EXOSC7: variants seen among roughly 807,000 people sequenced by gnomAD.
EXOSC7 encodes the protein exosome component 7, also known as exosome complex component RRP42.
Under a neutral mutation model 34.3 loss-of-function variants are expected in EXOSC7, and 25 were observed. The ratio of observed to expected loss-of-function variants is 0.73; its 90% CI spans 0.53 to 1.02. The LOEUF is 1.02. Among genes scored for constraint, EXOSC7 ranks in the 50% least tolerant of loss-of-function variants. The pLI, the probability that EXOSC7 is intolerant of heterozygous loss-of-function variation, is 0.00. For synonymous variants in EXOSC7, 130 were observed against 143.0 expected, an observed-to-expected ratio of 0.91 and a Z score of 0.65; for missense variants, 370 against 368.5, an observed-to-expected ratio of 1.00 and a Z score of -0.03.
intron 6 of EXOSC7, among the ~76,000 whole-genome samples, chr3:45,006,663 G>T (rs887211820): frequency 1.3e-5 from 2 of 150,354 alleles, no homozygotes; most frequent in Admixed American, 6.6e-5. Flanking sequence ...TGATCTGCCC[G>T]CCTCGGCCTC....
intron 6 of EXOSC7, 68 bp from the exon 7 acceptor site, chr3:45,007,352 G>A (rs1707077655): frequency 3.9e-6 from 6 of 1,550,326 alleles, no homozygotes; most frequent in South Asian, 2.3e-5. Context: ...TTCCCACCAC[G>A]AGGCCATCAG....
At chr3:45,006,068 CTTTTTTTTTTTTTTTTTT>C (rs34869939) in intron 6 of EXOSC7, among the ~76,000 whole-genome samples, 1,281 of 47,418 alleles carry the variant, frequency 0.027, 51 homozygotes, top group Middle Eastern at 0.066. Flanking sequence ...TGGGTCTTGG[CTTTTTTTTTTTTTTTTTT>C]TTTTTTTTTT....
chr3:44,998,076 C>T (rs570759791), intron 4 of EXOSC7, among the ~76,000 whole-genome samples: 1 of 146,458 alleles, frequency 6.8e-6, no homozygotes, highest in African/African-American at 2.5e-5. Context: ...TGCTCTGTCA[C>T]CCAGGCTGGA....
At chr3:45,008,274 C>A (rs1450481635) in intron 7 of EXOSC7, among the ~76,000 whole-genome samples, 1 of 152,210 alleles carries the variant, frequency 6.6e-6, no homozygotes, top group African/African-American at 2.4e-5. Flanking sequence ...ACTGAACTTC[C>A]AGGAACAGAG....
intron 3 of EXOSC7, among the ~76,000 whole-genome samples, chr3:44,991,235 C>T (rs535783576): frequency 6.6e-6 from 1 of 152,262 alleles, no homozygotes; most frequent in South Asian, 2.1e-4. Flanking sequence ...ATTCCTGTCC[C>T]CTACTCTGGT....
intron 3 of EXOSC7, among the ~76,000 whole-genome samples, chr3:44,993,904 TGATA>T (rs1706639539): frequency 6.6e-6 from 1 of 152,220 alleles, no homozygotes; most frequent in South Asian, 2.1e-4. Flanking sequence ...TGTTGTCTAG[TGATA>T]AGTTCCAAGA....
At chr3:44,995,308 G>A (rs10865936) in intron 3 of EXOSC7, among the ~76,000 whole-genome samples, 26,156 of 152,138 alleles carry the variant, frequency 0.17, 2,686 homozygotes, top group Middle Eastern at 0.24. Context: ...TTTATAGGTA[G>A]ATTAATTTAG....
intron 1 of EXOSC7, among the ~76,000 whole-genome samples, chr3:44,986,731 G>A (rs1706429434): frequency 1.3e-5 from 2 of 152,220 alleles, no homozygotes; most frequent in South Asian, 4.1e-4. Context: ...GATTTGTGAT[G>A]TTTATTTTCT....
chr3:44,997,328 C>A, intron 4 of EXOSC7, 76 bp downstream of exon 4: 1 of 1,373,036 alleles, frequency 7.3e-7, no homozygotes, highest in East Asian at 2.3e-5. Context: ...CCTTCCAGTG[C>A]TTTTTTCCTC....
Position 44,989,373 on chromosome 3 carries a change from G to C in EXOSC7, c.159+132G>C, listed in dbSNP as rs183480884. 824 of 853,378 alleles carry C rather than the reference G, an allele frequency of 9.7e-4. 11 individuals are homozygous for C. The Admixed American group carries it at 0.017, about 18-fold the overall frequency. The allele number at this position is 853,378 out of a possible 1,614,324, so 52.9% of individuals were successfully genotyped here. A position where few individuals can be genotyped will look rare whatever the true frequency, so the allele number is the denominator to read the frequency against. ...AATCGAAGATCCGAGCCAAACTCAG[G>C]GAGGGGGGGTCTATCCAGATCTGAA... On this transcript the variant is annotated intron_variant, in intron 2 of 7. Transcript: ENST00000265564.
rs750947033 is a variant in EXOSC7 at position 45,007,586 on chromosome 3, A to C, written c.771+11A>C. On this transcript the variant is annotated intron_variant, in intron 7 of 7. Transcript: ENST00000265564. ...TTCGAGATGATGGAGGTGAGGCCTTAGTTCTGAGGAAGGTGCAGGGACCTG... is the reference window on the plus strand; with the variant it reads ...TTCGAGATGATGGAGGTGAGGCCTTCGTTCTGAGGAAGGTGCAGGGACCTG... The C allele has an allele frequency of 2.6e-5, 41 of 1,594,372 alleles. 1 individual carries two copies. The South Asian group carries it at 4.6e-4, about 18-fold the overall frequency.
intron 3 of EXOSC7, among the ~76,000 whole-genome samples, chr3:44,993,930 A>C (rs1024998189): frequency 5.3e-5 from 8 of 152,206 alleles, no homozygotes; most frequent in African/African-American, 1.9e-4. Flanking sequence ...CAAAGCATAC[A>C]TTCATTTCCC....
At chr3:45,007,205 A>T (rs1262418787) in intron 6 of EXOSC7, among the ~76,000 whole-genome samples, 1 of 152,072 alleles carries the variant, frequency 6.6e-6, no homozygotes, top group Admixed American at 6.5e-5. Context: ...CTGTTTTTCC[A>T]TATCGTGTTT....
At chr3:44,976,744 A>T (rs552324362) in intron 1 of EXOSC7, among the ~76,000 whole-genome samples, 1 of 152,212 alleles carries the variant, frequency 6.6e-6, no homozygotes, top group Non-Finnish European at 1.5e-5. Flanking sequence ...AGGAGGGCGC[A>T]TGCGAGGTGA....
chr3:44,983,277 AG>A (rs1298520848), intron 1 of EXOSC7, among the ~76,000 whole-genome samples: 3 of 152,160 alleles, frequency 2.0e-5, no homozygotes, highest in Non-Finnish European at 4.4e-5. Context: ...GTTGTTTTTG[AG>A]GATGCAGTGA....
rs770584588 is a variant in EXOSC7 at position 45,005,359 on chromosome 3, A to T, written c.560A>T (p.Tyr187Phe). The T allele has an allele frequency of 6.2e-7, 1 of 1,613,934 alleles. No homozygotes were observed. The highest frequency in any genetic ancestry group is 8.5e-7 in the Non-Finnish European group (1 of 1,179,802). Reference sequence around the variant, plus strand: ...GACATTGAATTGTCAGATGACCCTTATGACTGCATACGACTAAGTGTGGAG... The same window carrying T: ...GACATTGAATTGTCAGATGACCCTTTTGACTGCATACGACTAAGTGTGGAG... ...SKDIELSDDP[Y>F]DCIRLSVENV... Residue 187 changes from tyrosine to phenylalanine, a missense_variant, in exon 6 of 8, where the codon TAT becomes TTT. This residue lies in a region of EXOSC7 where 255 missense variants were observed against 246.4 expected (regional missense o/e 1.03). Coordinates refer to ENST00000265564, the MANE Select transcript of EXOSC7 (RefSeq NM_015004.4).
intron 4 of EXOSC7, among the ~76,000 whole-genome samples, chr3:45,001,151 A>G (rs551513158): frequency 6.7e-6 from 1 of 148,642 alleles, no homozygotes; most frequent in Non-Finnish European, 1.5e-5. Context: ...TTAGGGAAAG[A>G]AAAAAAAAAA....
intron 5 of EXOSC7, 90 bp downstream of exon 5, chr3:45,001,698 C>T: frequency 1.1e-6 from 1 of 916,296 alleles, no homozygotes; most frequent in Non-Finnish European, 1.8e-6. Context: ...TATTGTAGCT[C>T]ATATGTGAAG....
At chr3:45,008,965 C>T (rs987588869) in intron 7 of EXOSC7, among the ~76,000 whole-genome samples, 1 of 152,186 alleles carries the variant, frequency 6.6e-6, no homozygotes, top group African/African-American at 2.4e-5. Context: ...TGTGAGGTAA[C>T]TATTATTATT....
Sources: gnomAD v4.1 joint callset for allele counts (sites outside exome capture counted in the v4.1 genomes callset) on GRCh38, gnomAD v4.1.1 for gene constraint, gnomAD v4.1.1 regional missense constraint, MANE v1.5 for transcripts, NCBI Gene and HGNC (gene_info 2026-07-23, HGNC 2026-07-21) for gene names.